Variants in DTNB observed in about 807,000 individuals in gnomAD.
DTNB encodes the protein DTN-B.
DTNB carries 63 observed loss-of-function variants against 90.7 expected under a neutral mutation model. That is an observed-to-expected ratio of 0.69 (90% confidence interval 0.57 to 0.86). DTNB has a LOEUF of 0.86. Ranked by LOEUF, DTNB falls within the 40% of genes least tolerant of loss-of-function variation. The probability of loss-of-function intolerance (pLI) is 0.00; values close to 1 mark genes in which losing one functional copy is unlikely to be tolerated. For synonymous variants in DTNB, 277 were observed against 286.7 expected, an observed-to-expected ratio of 0.97 and a Z score of 0.34; for missense variants, 744 against 807.1, an observed-to-expected ratio of 0.92 and a Z score of 0.95.
At chr2:25,383,213 CTTTTT>C (rs34341817) in intron 19 of DTNB, among the ~76,000 whole-genome samples, 2 of 108,022 alleles carry the variant, frequency 1.9e-5, no homozygotes, top group Non-Finnish European at 3.9e-5. Context: ...CATTTTTGGT[CTTTTT>C]TTTTTTTTTT....
At chr2:25,565,461 G>A (rs1351648548) in intron 8 of DTNB, among the ~76,000 whole-genome samples, 1 of 152,012 alleles carries the variant, frequency 6.6e-6, no homozygotes, top group Non-Finnish European at 1.5e-5. Context: ...TGTTGCTCAG[G>A]CTGGTCTCGA....
intron 8 of DTNB, among the ~76,000 whole-genome samples, chr2:25,554,279 T>C (rs902114427): frequency 4.6e-5 from 7 of 152,170 alleles, no homozygotes; most frequent in African/African-American, 7.2e-5. Context: ...GGGAAAAATG[T>C]TGCACTGAGT....
chr2:25,410,449 C>T (rs2046315161), intron 16 of DTNB, among the ~76,000 whole-genome samples: 1 of 152,152 alleles, frequency 6.6e-6, no homozygotes, highest in African/African-American at 2.4e-5. Flanking sequence ...CCCCCATCCC[C>T]ACCACGCAAG....
rs376001670 is a variant in DTNB, at chr2:25,570,278, C to A, written c.876+6560G>T. Among the ~76,000 whole-genome samples the A allele has an allele frequency of 1.3e-4, 20 of 151,330 alleles. No homozygotes were observed. In the Middle Eastern group the frequency reaches 0.01, roughly 77 times the overall value. On this transcript the variant is annotated intron_variant, in intron 8 of 20. Coordinates refer to ENST00000406818, the MANE Select transcript of DTNB (RefSeq NM_021907.5). ...CAAAAATTATCTGGGAATGGTGGCA[C>A]ACGACTGTAGTCCCAGCTACTCAGG...
At chr2:25,541,126 G>A (rs1575555113) in intron 8 of DTNB, among the ~76,000 whole-genome samples, 1 of 151,722 alleles carries the variant, frequency 6.6e-6, no homozygotes, top group Admixed American at 6.6e-5. Flanking sequence ...TAACAAGGTT[G>A]AGGCAAGTTC....
At chr2:25,603,319 A>G (rs2148476850) in intron 5 of DTNB, among the ~76,000 whole-genome samples, 1 of 152,336 alleles carries the variant, frequency 6.6e-6, no homozygotes, top group African/African-American at 2.4e-5. Flanking sequence ...TGGGTTTCTG[A>G]CATTACTGAA....
At chr2:25,427,388 C>A in intron 15 of DTNB, 147 bp downstream of exon 15, 1 of 635,442 alleles carries the variant, frequency 1.6e-6, no homozygotes, top group Middle Eastern at 4.0e-4. Flanking sequence ...ACTTTTATAC[C>A]CAATTAGGCT....
At chr2:25,639,492 G>A (rs59598324) in intron 2 of DTNB, among the ~76,000 whole-genome samples, 4,816 of 109,336 alleles carry the variant, frequency 0.044, 123 homozygotes, top group East Asian at 0.1. Flanking sequence ...ATGCCCCGTG[G>A]CTGTGGCCAT....
intron 4 of DTNB, among the ~76,000 whole-genome samples, chr2:25,614,597 T>C (rs953971513): frequency 2.6e-5 from 4 of 152,184 alleles, no homozygotes; most frequent in Non-Finnish European, 2.9e-5. Context: ...TCAAGATCTG[T>C]ATGCTGAAAA....
chr2:25,514,928 C>A (rs1391326122), intron 9 of DTNB, among the ~76,000 whole-genome samples: 1 of 152,110 alleles, frequency 6.6e-6, no homozygotes, highest in African/African-American at 2.4e-5. Context: ...ACTGATCCGC[C>A]TGCCTTGGCC....
intron 1 of DTNB, among the ~76,000 whole-genome samples, chr2:25,662,567 T>C (rs1010643998): frequency 6.6e-6 from 1 of 152,156 alleles, no homozygotes; most frequent in Admixed American, 6.5e-5. Context: ...AGCCCATGGC[T>C]GAGGGGCTCC....
intron 1 of DTNB, among the ~76,000 whole-genome samples, chr2:25,655,775 A>G (rs1160742210): frequency 6.6e-6 from 1 of 152,206 alleles, no homozygotes; most frequent in Non-Finnish European, 1.5e-5. Context: ...CTGGCCTGAC[A>G]GCACCTGAGA....
At chr2:25,539,424 G>C (rs1487374291) in intron 8 of DTNB, among the ~76,000 whole-genome samples, 4 of 152,182 alleles carry the variant, frequency 2.6e-5, no homozygotes, top group Admixed American at 2.6e-4. Context: ...CATTTGCCAA[G>C]CTGGTGGGTG....
intron 5 of DTNB, among the ~76,000 whole-genome samples, chr2:25,602,121 CAAAAGAAAAAGAA>C (rs2148466952): frequency 6.6e-6 from 1 of 150,986 alleles, no homozygotes; most frequent in South Asian, 2.1e-4. Flanking sequence ...GACTCCATCT[CAAAAGAAAAAGAA>C]AAAAGAAAAA....
intron 16 of DTNB, among the ~76,000 whole-genome samples, chr2:25,400,097 TACTCTGTATAAGATGGA>T (rs962334422): frequency 2.0e-5 from 3 of 152,152 alleles, no homozygotes; most frequent in Admixed American, 2.0e-4. Flanking sequence ...GGGAGCAGGA[TACTCTGTATAAGATGGA>T]ACTATCTCAG....
chr2:25,444,152 C>T (rs1209544382), intron 12 of DTNB, among the ~76,000 whole-genome samples: 1 of 152,146 alleles, frequency 6.6e-6, no homozygotes, highest in Non-Finnish European at 1.5e-5. Context: ...CATCTGATTA[C>T]ATCTTGGTGA....
At chr2:25,633,315 C>T (rs1054896573) in intron 3 of DTNB, among the ~76,000 whole-genome samples, 6 of 152,212 alleles carry the variant, frequency 3.9e-5, no homozygotes, top group African/African-American at 7.2e-5. Flanking sequence ...AGGCGCGCGC[C>T]GCCACGCCTG....
At chr2:25,524,727 C>T (rs911904595) in intron 9 of DTNB, among the ~76,000 whole-genome samples, 21 of 152,148 alleles carry the variant, frequency 1.4e-4, no homozygotes, top group African/African-American at 1.9e-4. Flanking sequence ...GAGGAGGGCT[C>T]GTGTGAAGAT....
At chr2:25,489,492 C>T (rs914724921) in intron 9 of DTNB, among the ~76,000 whole-genome samples, 3 of 151,862 alleles carry the variant, frequency 2.0e-5, no homozygotes, top group South Asian at 2.1e-4. Context: ...TATCTCATCC[C>T]ATAAAGAAAA....
Sources: allele counts gnomAD v4.1 joint callset (sites outside exome capture counted in the v4.1 genomes callset), GRCh38; gene constraint gnomAD v4.1.1; transcripts MANE v1.5; gene names NCBI Gene and HGNC (gene_info 2026-07-23, HGNC 2026-07-21).